ZNF710: variants seen among roughly 807,000 people sequenced by gnomAD.
ZNF710 encodes the protein zinc finger protein 710.
In ZNF710, 13 loss-of-function variants were observed where a neutral mutation model predicts 50.6. The ratio of observed to expected loss-of-function variants is 0.26; its 90% CI spans 0.17 to 0.41. The LOEUF (loss-of-function observed/expected upper bound fraction) is 0.41, where lower values mean the gene tolerates loss of function less well. ZNF710 is among the 10% of genes least tolerant of loss of function. The pLI, the probability that ZNF710 is intolerant of heterozygous loss-of-function variation, is 1.00. For synonymous variants in ZNF710, 383 were observed against 397.0 expected, an observed-to-expected ratio of 0.96 and a Z score of 0.42; for missense variants, 721 against 936.6, an observed-to-expected ratio of 0.77 and a Z score of 3.01.
At chr15:90,009,102 T>G (rs1011470612) in intron 1 of ZNF710, among the ~76,000 whole-genome samples, 3 of 151,904 alleles carry the variant, frequency 2.0e-5, no homozygotes, top group Non-Finnish European at 4.4e-5. Context: ...TGGTTATGTG[T>G]GTTTTTGTCT....
intron 1 of ZNF710, among the ~76,000 whole-genome samples, chr15:90,039,622 C>T (rs986957543): frequency 3.0e-4 from 45 of 152,314 alleles, no homozygotes; most frequent in African/African-American, 9.9e-4. Flanking sequence ...TAGGAGCCCT[C>T]GGTGCTGAGC....
At position 90,034,486 on chromosome 15, in the gene ZNF710, TGTG is replaced by T. The variant is rs528797854; in HGVS notation, c.-28-32613_-28-32611del. 2.0e-4 allele frequency among the ~76,000 whole-genome samples: 30 copies of T among 148,014 alleles called. No individual in the cohort carries two copies. The South Asian group carries it at 6.1e-3, about 30-fold the overall frequency. On this transcript the variant is annotated intron_variant, in intron 1 of 4. Coordinates refer to ENST00000268154, the MANE Select transcript of ZNF710 (RefSeq NM_198526.4). This position sits in a 1 kb window ranked among gnomAD's most constrained non-coding sequence, Gnocchi z 4.0. Reference sequence around the variant, plus strand: ...TGTGTGTGTGTGTGTATTCTGTGCCTGTGGTGGTGGTGGCCATGGTGTCGGCAG... The same window carrying T: ...TGTGTGTGTGTGTGTATTCTGTGCCTGTGGTGGTGGCCATGGTGTCGGCAG...
intron 1 of ZNF710, among the ~76,000 whole-genome samples, chr15:90,042,352 C>A (rs549788072): frequency 6.6e-6 from 1 of 151,990 alleles, no homozygotes; most frequent in East Asian, 1.9e-4. Flanking sequence ...GTGTCTCCCC[C>A]CCACCCCCTC....
At chr15:90,050,172 C>A (rs1287900951) in intron 1 of ZNF710, among the ~76,000 whole-genome samples, 1 of 152,228 alleles carries the variant, frequency 6.6e-6, no homozygotes. Flanking sequence ...TTTACTCCTC[C>A]TGGCATAAAT....
intron 1 of ZNF710, among the ~76,000 whole-genome samples, chr15:90,012,120 G>A (rs1447537608): frequency 2.0e-5 from 3 of 151,762 alleles, no homozygotes; most frequent in East Asian, 1.9e-4. Flanking sequence ...CATGAGAATC[G>A]CTTGAACCCG....
chr15:90,015,987 G>A (rs1171220046), intron 1 of ZNF710, among the ~76,000 whole-genome samples: 1 of 152,136 alleles, frequency 6.6e-6, no homozygotes, highest in Non-Finnish European at 1.5e-5. Flanking sequence ...TACCAACTAA[G>A]ACATTTTAAG....
At chr15:90,057,928 T>C (rs1341909120) in intron 1 of ZNF710, among the ~76,000 whole-genome samples, 1 of 152,118 alleles carries the variant, frequency 6.6e-6, no homozygotes, top group African/African-American at 2.4e-5. Flanking sequence ...AAATAGTTCA[T>C]GCCTCGACAT....
At chr15:90,030,579 A>T (rs939444773) in intron 1 of ZNF710, among the ~76,000 whole-genome samples, 1 of 152,032 alleles carries the variant, frequency 6.6e-6, no homozygotes, top group African/African-American at 2.4e-5. Flanking sequence ...GTGCGCACAG[A>T]GTGTGTGTTA....
At chr15:89,999,919 GGGAAGGGAA>G (rs1007717096), upstream of ZNF710, among the ~76,000 whole-genome samples, 52 of 152,046 alleles carry the variant, frequency 3.4e-4, 1 homozygote, top group African/African-American at 1.1e-3. Context: ...GAGGAAGGAA[GGGAAGGGAA>G]GGAAGGGAAG....
chr15:90,050,973 T>C (rs1172125693), intron 1 of ZNF710, among the ~76,000 whole-genome samples: 1 of 152,184 alleles, frequency 6.6e-6, no homozygotes, highest in Non-Finnish European at 1.5e-5. Flanking sequence ...GCACCGTGGC[T>C]CACGCCTGTA....
At position 90,067,691 on chromosome 15, in the gene ZNF710, C is replaced by T. The variant is rs1221881330; in HGVS notation, c.554C>T (p.Ala185Val). 1 of 1,611,368 alleles carries T rather than the reference C, an allele frequency of 6.2e-7. No homozygotes were observed. Among genetic ancestry groups the T allele is most frequent in the Non-Finnish European group, 8.5e-7 (1 of 1,178,814 alleles). ...ACCCCGAGGCCGGAGCTGAACGTGG[C>T]CCCATATGACCCTCACTTCCCGGCC... is the stretch of plus-strand genomic sequence containing the variant. Reference protein sequence around the residue: ...PRTPRPELNVAPYDPHFPAPA... With the variant: ...PRTPRPELNVVPYDPHFPAPA... Residue 185 changes from alanine to valine, a missense_variant, in exon 2 of 5, where the codon GCC (alanine) becomes GTC (valine). Physicochemically the swap from Ala to Val is moderately conservative, Grantham distance 64. Transcript: ENST00000268154. This position sits in a 1 kb window ranked among gnomAD's most constrained non-coding sequence, Gnocchi z 8.1.
intron 1 of ZNF710, among the ~76,000 whole-genome samples, chr15:90,035,695 G>C (rs2151490193): frequency 6.6e-6 from 1 of 152,350 alleles, no homozygotes; most frequent in South Asian, 2.1e-4. Flanking sequence ...CGTGTATTTG[G>C]ATAGCAAACA....
intron 1 of ZNF710, among the ~76,000 whole-genome samples, chr15:90,043,419 G>A (rs1899361858): frequency 6.6e-6 from 1 of 152,258 alleles, no homozygotes; most frequent in African/African-American, 2.4e-5. Flanking sequence ...AGGGCAGGGA[G>A]CAGCCGACCC....
upstream of ZNF710, among the ~76,000 whole-genome samples, chr15:89,998,424 C>G (rs1454582520): frequency 3.3e-5 from 5 of 152,188 alleles, no homozygotes; most frequent in Non-Finnish European, 7.3e-5. Context: ...AGTCATCAAG[C>G]TCTGGTCATG....
chr15:90,028,168 C>T (rs964225285), intron 1 of ZNF710, among the ~76,000 whole-genome samples: 1 of 151,936 alleles, frequency 6.6e-6, no homozygotes, highest in African/African-American at 2.4e-5. Flanking sequence ...CAGTAAATAC[C>T]CATACACCAA....
chr15:90,078,226 AAAG>A (rs1188087072), intron 4 of ZNF710, among the ~76,000 whole-genome samples: 95 of 149,614 alleles, frequency 6.3e-4, no homozygotes, highest in Non-Finnish European at 1.1e-3. Context: ...AAAAAAAAAA[AAAG>A]AAGAGAAAAG....
At chr15:90,058,703 A>T (rs930208303) in intron 1 of ZNF710, among the ~76,000 whole-genome samples, 19 of 140,176 alleles carry the variant, frequency 1.4e-4, no homozygotes, top group Non-Finnish European at 2.2e-4. Flanking sequence ...CTATATATTT[A>T]TATATATATA....
At chr15:90,016,755 G>A (rs1420960293) in intron 1 of ZNF710, among the ~76,000 whole-genome samples, 1 of 152,178 alleles carries the variant, frequency 6.6e-6, no homozygotes. Flanking sequence ...CATTGGTCAA[G>A]GACAAATGGC....
chr15:90,072,816 T>C (rs1900436432), intron 2 of ZNF710, among the ~76,000 whole-genome samples: 1 of 152,116 alleles, frequency 6.6e-6, no homozygotes, highest in Non-Finnish European at 1.5e-5. Flanking sequence ...AGACAGCAGG[T>C]ATCTGGATCG....
Sources: gnomAD v4.1 joint callset for allele counts (sites outside exome capture counted in the v4.1 genomes callset) on GRCh38, gnomAD v4.1.1 for gene constraint, Gnocchi (gnomAD v3.1) non-coding constraint, MANE v1.5 for transcripts, NCBI Gene and HGNC (gene_info 2026-07-23, HGNC 2026-07-21) for gene names.